REXO1: variants seen among roughly 807,000 people sequenced by gnomAD.
The protein encoded by REXO1 is REX1, RNA exonuclease 1 homolog.
Under a neutral mutation model 102.6 loss-of-function variants are expected in REXO1, and 42 were observed. That is an observed-to-expected ratio of 0.41 (90% CI 0.32 to 0.53). REXO1 has a LOEUF of 0.53. REXO1 is among the 20% of genes least tolerant of loss of function. The pLI, the probability that REXO1 is intolerant of heterozygous loss-of-function variation, is 0.27. For missense variants in REXO1, 1,819 were observed against 1,732.5 expected, an observed-to-expected ratio of 1.05 and a Z score of -0.89; for synonymous variants, 908 against 779.1, an observed-to-expected ratio of 1.17 and a Z score of -2.76.
At chr19:1,825,576 A>C (rs1729457648) in intron 3 of REXO1, among the ~76,000 whole-genome samples, 1 of 151,678 alleles carries the variant, frequency 6.6e-6, no homozygotes, top group African/African-American at 2.4e-5. Flanking sequence ...CCTGAGTTCA[A>C]GCGATTCTCC....
chr19:1,843,339 C>A (rs564462858), intron 1 of REXO1, among the ~76,000 whole-genome samples: 324 of 152,010 alleles, frequency 2.1e-3, no homozygotes, highest in African/African-American at 7.5e-3. Context: ...GGTCCCAGCT[C>A]CCCAGGGCCC....
chr19:1,837,139 G>A (rs2070063134), intron 1 of REXO1, among the ~76,000 whole-genome samples: 1 of 152,260 alleles, frequency 6.6e-6, no homozygotes, highest in Admixed American at 6.5e-5. Context: ...GCAGGGGCTG[G>A]TTGTGTCCAC....
chr19:1,830,063 G>T (rs2069862238), intron 1 of REXO1, among the ~76,000 whole-genome samples: 1 of 152,210 alleles, frequency 6.6e-6, no homozygotes, highest in Admixed American at 6.5e-5. Flanking sequence ...ACCAACGTCA[G>T]CACAGAAGTC....
At position 1,828,567 on chromosome 19, in the gene REXO1, G is replaced by A. The variant is rs1409586633; in HGVS notation, c.222C>T (p.Thr74=). The part of the protein sequence containing the change: ...PKPPAQRENG[T]LGLGEEPRPD... ...GGCGCGGCTCCTCCCCCAGGCCCAGGGTGCCATTCTCCCTCTGCGCGGGGG... is the reference window on the plus strand; with the variant it reads ...GGCGCGGCTCCTCCCCCAGGCCCAGAGTGCCATTCTCCCTCTGCGCGGGGG... The change falls in exon 2 of 16, where the codon ACC becomes ACT. Residue 74 remains threonine, a synonymous_variant. Coordinates refer to ENST00000170168, the MANE Select transcript of REXO1 (RefSeq NM_020695.4). 3 of 1,604,096 alleles carry A rather than the reference G, an allele frequency of 1.9e-6. No homozygotes were observed. Among genetic ancestry groups the A allele is most frequent in the African/African-American group, 1.3e-5 (1 of 75,056 alleles).
chr19:1,827,399 C>A lies in REXO1; in HGVS notation c.1390G>T (p.Asp464Tyr). 1 of 1,542,866 alleles carries A rather than the reference C, an allele frequency of 6.5e-7. No homozygotes were observed. Among genetic ancestry groups the A allele is most frequent in the Non-Finnish European group, 8.7e-7 (1 of 1,153,222 alleles). Reference sequence around the variant, plus strand: ...CCTCTGCCGGCCGCCGGTCGGGAGTCCCCGCTTGTGGGGCTCGGCCGCCGC... The same window carrying A: ...CCTCTGCCGGCCGCCGGTCGGGAGTACCCGCTTGTGGGGCTCGGCCGCCGC... Reference protein sequence around the residue: ...PARRPSPTSGDSRPAAGRGPP... With the variant: ...PARRPSPTSGYSRPAAGRGPP... Residue 464 changes from aspartate to tyrosine, a missense_variant, in exon 2 of 16, where the codon GAC (aspartate) becomes TAC (tyrosine). By Grantham distance (160) the Asp-to-Tyr change is radical. Transcript: ENST00000170168.
At chr19:1,822,001 C>T (rs893721657) in intron 4 of REXO1, 61 of 532,392 alleles carry the variant, frequency 1.1e-4, no homozygotes, top group South Asian at 9.2e-4. Flanking sequence ...CCCTGGCTCC[C>T]GGACAGAGGA....
intron 1 of REXO1, among the ~76,000 whole-genome samples, chr19:1,832,946 A>C (rs921836321): frequency 3.5e-5 from 5 of 142,888 alleles, no homozygotes; most frequent in Non-Finnish European, 1.5e-5. Context: ...AATTACACTT[A>C]GTGCCAGGCT....
intron 11 of REXO1, 127 bp downstream of exon 11, chr19:1,817,580 A>G: frequency 6.9e-7 from 1 of 1,441,830 alleles, no homozygotes; most frequent in Non-Finnish European, 9.3e-7. Flanking sequence ...GGGTAACACA[A>G]GAAAGGCTGC....
rs1342002790 is a variant in REXO1 at position 1,815,903 on chromosome 19, G to GTGGGC, written c.*158_*162dup. ...GGGGTGCGGCAGGACGTGAGCGGGG[G>GTGGGC]TGGGCTGGGCTGGGCGTTCTCTGGC... is the stretch of plus-strand genomic sequence containing the variant. On this transcript the variant is annotated 3_prime_UTR_variant, in exon 16 of 16. Coordinates refer to ENST00000170168, the MANE Select transcript of REXO1 (RefSeq NM_020695.4). This position sits in a 1 kb window ranked among gnomAD's most constrained non-coding sequence, Gnocchi z 4.0. The GTGGGC allele has an allele frequency of 3.6e-5, 55 of 1,532,180 alleles. No individual in the cohort carries two copies. The East Asian group carries it at 7.4e-4, about 20-fold the overall frequency. 94.9% of individuals were successfully genotyped at this position (1,532,180 alleles called of 1,614,324 possible). A position where few individuals can be genotyped will look rare whatever the true frequency, so the allele number is the denominator to read the frequency against.
At chr19:1,820,833 A>G (rs955789114) in intron 5 of REXO1, among the ~76,000 whole-genome samples, 5 of 152,014 alleles carry the variant, frequency 3.3e-5, no homozygotes, top group African/African-American at 1.2e-4. Flanking sequence ...TCTCTACAAA[A>G]TAAAAAACAA....
intron 1 of REXO1, among the ~76,000 whole-genome samples, chr19:1,831,890 AAG>A (rs892178440): frequency 1.3e-5 from 2 of 150,238 alleles, no homozygotes; most frequent in South Asian, 2.1e-4. Flanking sequence ...AAAAGAAAAA[AAG>A]AAATGGCTGG....
intron 1 of REXO1, among the ~76,000 whole-genome samples, chr19:1,844,755 G>A (rs1313875373): frequency 1.3e-5 from 2 of 152,228 alleles, no homozygotes. Context: ...CCGCACACAC[G>A]TCTGCCGCTC....
At chr19:1,831,423 G>A (rs2069898004) in intron 1 of REXO1, among the ~76,000 whole-genome samples, 3 of 152,092 alleles carry the variant, frequency 2.0e-5, no homozygotes, top group African/African-American at 7.2e-5. Flanking sequence ...ATGGCTGGAC[G>A]CAGCCAAGGG....
intron 1 of REXO1, among the ~76,000 whole-genome samples, chr19:1,845,288 C>T (rs1039490189): frequency 3.3e-5 from 5 of 152,288 alleles, no homozygotes; most frequent in Admixed American, 6.5e-5. Context: ...CACATCCCTG[C>T]GTCCCAGGGC....
chr19:1,825,394 C>T (rs1385339383), intron 3 of REXO1, among the ~76,000 whole-genome samples: 2 of 150,278 alleles, frequency 1.3e-5, no homozygotes, highest in African/African-American at 4.9e-5. Flanking sequence ...GTAATCCCAA[C>T]GCTGGGAAGC....
rs2145227172 is a variant in REXO1 at position 1,816,495 on chromosome 19, C to T, written c.3392G>A (p.Ser1131Asn). 6.2e-7 allele frequency: 1 copy of T among 1,612,554 alleles called. No homozygotes were observed. Among genetic ancestry groups the T allele is most frequent in the Non-Finnish European group, 8.5e-7 (1 of 1,179,744 alleles). Reference protein sequence around the residue: ...TLRDVQAVLLSMFSADTILIG... With the variant: ...TLRDVQAVLLNMFSADTILIG... The stretch of plus-strand genomic sequence containing the variant: ...GAGGATGGTGTCAGCGCTGAACATG[C>T]TCAGCAGAACGGCCTGGACGTCACG... The change falls in exon 14 of 16, where the codon AGC (serine) becomes AAC (asparagine). Residue 1131 changes from serine (S) to asparagine (N), a missense_variant. Physicochemically the swap from Ser to Asn is conservative, Grantham distance 46. Transcript: ENST00000170168.
Position 1,827,297 on chromosome 19 carries a change from G to C in REXO1, c.1492C>G (p.Arg498Gly). Residue 498 changes from arginine to glycine, a missense_variant, in exon 2 of 16, where the codon CGC becomes GGC. Coordinates refer to ENST00000170168, the MANE Select transcript of REXO1 (RefSeq NM_020695.4). ...TGGGAGGCGCCCTCGTCTAGTGAGC[G>C]GGCTTTCCGCTCCACTAGCTTCCCC... ...PSGKLVERKARSLDEGASQDA... is the reference protein window; with the variant it reads ...PSGKLVERKAGSLDEGASQDA... 1.9e-6 allele frequency: 3 copies of C among 1,564,784 alleles called. No individual in the cohort carries two copies. Among genetic ancestry groups the C allele is most frequent in the Non-Finnish European group, 2.6e-6 (3 of 1,161,128 alleles).
In REXO1 at chr19:1,817,266, GCT is replaced by G; in HGVS notation, c.3152_3153del (p.Glu1051AlafsTer40). The G allele has an allele frequency of 6.2e-7, 1 of 1,613,184 alleles. No homozygotes were observed. Among genetic ancestry groups the G allele is most frequent in the Non-Finnish European group, 8.5e-7 (1 of 1,180,004 alleles). ...ATCCCCGGGTGGGTGTCTCCTGAGA[GCT>G]CTTTCTCAAAGGTCTTCACGAAGCC... ...LEGFVKTFEK[E>X]LSGDTHPGIY... On this transcript the variant is annotated frameshift_variant, in exon 12 of 16. Transcript: ENST00000170168. LOFTEE classifies it high-confidence loss of function.
Position 1,821,586 on chromosome 19 carries a change from G to C in REXO1, c.2327C>G (p.Ser776Trp). Residue 776 changes from serine (S) to tryptophan (W), a missense_variant, in exon 5 of 16, where the codon TCG (serine) becomes TGG (tryptophan). Ser to Trp is a radical substitution (Grantham distance 177). Transcript: ENST00000170168. The part of the protein sequence containing the change: ...GGQQLKTRTL[S>W]GMASKTTTTI... ...GGTGGTAGTCTTGGACGCCATCCCC[G>C]ACAATGTGCGTGTTTTCAGCTGCTG... is the stretch of plus-strand genomic sequence containing the variant. 6.2e-7 allele frequency: 1 copy of C among 1,613,918 alleles called. No individual in the cohort carries two copies. Among genetic ancestry groups the C allele is most frequent in the East Asian group, 2.2e-5 (1 of 44,866 alleles).
Sources: gnomAD v4.1 joint callset for allele counts (sites outside exome capture counted in the v4.1 genomes callset) on GRCh38, gnomAD v4.1.1 for gene constraint, Gnocchi (gnomAD v3.1) non-coding constraint, MANE v1.5 for transcripts, NCBI Gene and HGNC (gene_info 2026-07-23, HGNC 2026-07-21) for gene names.